SPOCK1: variants seen among roughly 807,000 people sequenced by gnomAD.
SPOCK1 encodes the protein SPARC (osteonectin), cwcv and kazal like domains proteoglycan 1.
In SPOCK1, 23 loss-of-function variants were observed where a neutral mutation model predicts 55.3. The ratio of observed to expected loss-of-function variants is 0.42; its 90% CI spans 0.30 to 0.59. The LOEUF is 0.59. Among genes scored for constraint, SPOCK1 ranks in the 20% least tolerant of loss-of-function variants. The pLI is 0.22. For synonymous variants in SPOCK1, 226 were observed against 221.0 expected (o/e 1.02, Z -0.20); for missense variants, 499 against 552.5 (o/e 0.90, Z 0.97).
intron 2 of SPOCK1, among the ~76,000 whole-genome samples, chr5:137,322,937 T>C (rs561762434): frequency 6.6e-6 from 1 of 152,100 alleles, no homozygotes; most frequent in South Asian, 2.1e-4. Context: ...AAAGGAATCA[T>C]GGTGAAAGGA....
chr5:137,217,098 C>T (rs1755731286), intron 3 of SPOCK1, among the ~76,000 whole-genome samples: 1 of 152,110 alleles, frequency 6.6e-6, no homozygotes, highest in South Asian at 2.1e-4. Flanking sequence ...CATGAGAAGC[C>T]ACAAGGAATC....
intron 2 of SPOCK1, among the ~76,000 whole-genome samples, chr5:137,330,513 A>G (rs1020963149): frequency 1.3e-5 from 2 of 152,250 alleles, no homozygotes; most frequent in African/African-American, 2.4e-5. Flanking sequence ...ACAGAAAGCT[A>G]GAAGCAAAAA....
intron 2 of SPOCK1, among the ~76,000 whole-genome samples, chr5:137,468,433 A>G (rs886863120): frequency 6.6e-5 from 10 of 152,234 alleles, no homozygotes; most frequent in African/African-American, 2.4e-4. Context: ...TTCAAGTACC[A>G]GCCATAGAAT....
At chr5:137,188,461 T>A (rs1755114951) in intron 3 of SPOCK1, among the ~76,000 whole-genome samples, 1 of 152,208 alleles carries the variant, frequency 6.6e-6, no homozygotes, top group Non-Finnish European at 1.5e-5. Flanking sequence ...TTATATGTAT[T>A]AGGGTGCTCT....
rs901087592 is a variant in SPOCK1 at position 137,034,917 on chromosome 5, G to A, written c.589+32798C>T. Among the ~76,000 whole-genome samples, 40 of 152,330 alleles carry A rather than the reference G, an allele frequency of 2.6e-4. 1 individual carries two copies. The highest frequency in any genetic ancestry group is 5.7e-4 in the Non-Finnish European group (39 of 68,022). ...AATTGGAGAACACAAAAGGGCACAT[G>A]CGGGCGGCCCAGAGGGGTCCAGGTG... On this transcript the variant is annotated intron_variant, in intron 6 of 10. Transcript: ENST00000394945.
intron 3 of SPOCK1, among the ~76,000 whole-genome samples, chr5:137,197,887 G>A (rs562247629): frequency 1.5e-3 from 224 of 152,282 alleles, no homozygotes; most frequent in Non-Finnish European, 2.7e-3. Flanking sequence ...CTGATACAGT[G>A]CCTGACACAC....
chr5:137,346,945 G>A (rs1045263992), intron 2 of SPOCK1, among the ~76,000 whole-genome samples: 4 of 152,148 alleles, frequency 2.6e-5, no homozygotes, highest in South Asian at 2.1e-4. Context: ...CCTCCTGCAG[G>A]ATACCAGCCA....
At chr5:137,100,746 C>CAGGAAGG (rs1753245491) in intron 5 of SPOCK1, among the ~76,000 whole-genome samples, 2 of 152,050 alleles carry the variant, frequency 1.3e-5, no homozygotes, top group African/African-American at 4.8e-5. Flanking sequence ...TGGAGGTTTG[C>CAGGAAGG]TGTTCTGAGC....
At chr5:137,260,755 T>C (rs1003640539) in intron 3 of SPOCK1, among the ~76,000 whole-genome samples, 1 of 152,234 alleles carries the variant, frequency 6.6e-6, no homozygotes, top group Non-Finnish European at 1.5e-5. Flanking sequence ...TTTCTGTTTC[T>C]TCCCTGGAGT....
intron 4 of SPOCK1, among the ~76,000 whole-genome samples, chr5:137,132,351 C>T (rs1753902549): frequency 6.6e-6 from 1 of 152,026 alleles, no homozygotes; most frequent in Non-Finnish European, 1.5e-5. Flanking sequence ...GATCTGATCC[C>T]TAATGGAAAT....
chr5:137,471,182 A>G (rs546446685), intron 2 of SPOCK1, among the ~76,000 whole-genome samples: 159 of 152,316 alleles, frequency 1.0e-3, no homozygotes, highest in African/African-American at 3.8e-3. Flanking sequence ...AGAGCCACAT[A>G]GGGTGATCCT....
chr5:137,073,135 TC>T (rs1444714546), intron 5 of SPOCK1, among the ~76,000 whole-genome samples: 1 of 152,226 alleles, frequency 6.6e-6, no homozygotes, highest in Non-Finnish European at 1.5e-5. Flanking sequence ...ATACATGTGT[TC>T]CTTTCTGCAT....
intron 3 of SPOCK1, among the ~76,000 whole-genome samples, chr5:137,247,781 G>A (rs1011525029): frequency 2.6e-5 from 4 of 152,192 alleles, no homozygotes; most frequent in Non-Finnish European, 5.9e-5. Flanking sequence ...GGGAAGACAG[G>A]AAAACCTGAG....
intron 2 of SPOCK1, among the ~76,000 whole-genome samples, chr5:137,321,190 C>A (rs1757975842): frequency 6.8e-6 from 1 of 147,280 alleles, no homozygotes; most frequent in South Asian, 2.2e-4. Context: ...CATAGAAACA[C>A]CAACCAGAAA....
At chr5:137,173,018 C>G (rs1754782613) in intron 3 of SPOCK1, among the ~76,000 whole-genome samples, 1 of 152,136 alleles carries the variant, frequency 6.6e-6, no homozygotes, top group African/African-American at 2.4e-5. Flanking sequence ...ATCCCCTACC[C>G]AATATCTAAC....
At chr5:137,132,598 T>A (rs1249227537) in intron 4 of SPOCK1, among the ~76,000 whole-genome samples, 1 of 152,154 alleles carries the variant, frequency 6.6e-6, no homozygotes, top group East Asian at 1.9e-4. Context: ...TGCTAATCAA[T>A]CCCTGGCCCT....
chr5:137,379,896 G>A (rs187681613), intron 2 of SPOCK1, among the ~76,000 whole-genome samples: 1 of 152,302 alleles, frequency 6.6e-6, no homozygotes, highest in East Asian at 1.9e-4. Flanking sequence ...ATTAATTCAT[G>A]AGCCCCCGTG....
chr5:137,120,636 C>A (rs1474966722), intron 4 of SPOCK1, among the ~76,000 whole-genome samples: 1 of 152,146 alleles, frequency 6.6e-6, no homozygotes, highest in East Asian at 1.9e-4. Flanking sequence ...GTGTAACACA[C>A]CCTCAAGAAA....
At chr5:137,217,165 C>T (rs984599832) in intron 3 of SPOCK1, among the ~76,000 whole-genome samples, 1 of 152,204 alleles carries the variant, frequency 6.6e-6, no homozygotes, top group African/African-American at 2.4e-5. Context: ...CATTCATGTA[C>T]TGGAGTCTCT....
Sources: gnomAD v4.1 joint callset for allele counts (sites outside exome capture counted in the v4.1 genomes callset) on GRCh38, gnomAD v4.1.1 for gene constraint, MANE v1.5 for transcripts, NCBI Gene and HGNC (gene_info 2026-07-23, HGNC 2026-07-21) for gene names.